The following PTPRZ1 variants were observed in gnomAD, a reference collection of about 807,000 sequenced individuals.
The protein encoded by PTPRZ1 is receptor-type tyrosine-protein phosphatase zeta.
A neutral mutation model predicts 214.1 loss-of-function variants in PTPRZ1; 82 were observed. That is an observed-to-expected ratio of 0.38 (90% CI 0.32 to 0.46). The LOEUF is 0.46. Among genes scored for constraint, PTPRZ1 ranks in the 20% least tolerant of loss-of-function variants. PTPRZ1 has a pLI of 1.00. For synonymous variants in PTPRZ1, 945 were observed against 987.9 expected, an observed-to-expected ratio of 0.96 and a Z score of 0.81; for missense variants, 2,603 against 2,748.7, an observed-to-expected ratio of 0.95 and a Z score of 1.19.
chr7:121,968,259 C>A, intron 3 of PTPRZ1, 129 bp downstream of exon 3: 7 of 677,750 alleles, frequency 1.0e-5, no homozygotes, highest in Non-Finnish European at 1.6e-5. Flanking sequence ...TAGAAGAAAC[C>A]AAATGGAGCA....
At chr7:121,918,754 C>G (rs1435894793) in intron 1 of PTPRZ1, among the ~76,000 whole-genome samples, 1 of 151,706 alleles carries the variant, frequency 6.6e-6, no homozygotes, top group African/African-American at 2.4e-5. Flanking sequence ...ATAAAAATCA[C>G]TCCCAATGGC....
chr7:121,897,250 T>G (rs990353523), intron 1 of PTPRZ1, among the ~76,000 whole-genome samples: 1 of 152,204 alleles, frequency 6.6e-6, no homozygotes, highest in African/African-American at 2.4e-5. Flanking sequence ...TTTCAAAGCC[T>G]CTGCTTTTAA....
intron 29 of PTPRZ1, 113 bp downstream of exon 29, chr7:122,060,001 ATGTAGTTTTCAAGC>A: frequency 1.9e-6 from 2 of 1,063,948 alleles, no homozygotes; most frequent in Non-Finnish European, 2.6e-6. Context: ...TAACATTAGT[ATGTAGTTTTCAAGC>A]TGAATTACAA....
chr7:121,882,634 G>T (rs908170149), intron 1 of PTPRZ1, among the ~76,000 whole-genome samples: 2 of 152,068 alleles, frequency 1.3e-5, no homozygotes, highest in Non-Finnish European at 2.9e-5. Flanking sequence ...ATTACTAAAG[G>T]GTTTTGAGCA....
At chr7:122,059,659 GC>G in intron 28 of PTPRZ1, 93 bp from the exon 29 acceptor site, 1 of 1,375,620 alleles carries the variant, frequency 7.3e-7, no homozygotes, top group Non-Finnish European at 9.7e-7. Flanking sequence ...TGTTTTCACT[GC>G]AAAGTTGTCA....
At chr7:122,014,807 T>TA (rs927465953) in intron 12 of PTPRZ1, among the ~76,000 whole-genome samples, 2 of 152,112 alleles carry the variant, frequency 1.3e-5, no homozygotes, top group South Asian at 2.1e-4. Context: ...ATAATGAAGT[T>TA]AAAAAAAATT....
intron 1 of PTPRZ1, among the ~76,000 whole-genome samples, chr7:121,916,689 C>T (rs1303196407): frequency 2.6e-4 from 39 of 152,196 alleles, no homozygotes; most frequent in Admixed American, 2.6e-3. Context: ...CTTTGAGCAT[C>T]TGCCACTGCA....
At chr7:121,931,337 G>A (rs1359762784) in intron 2 of PTPRZ1, among the ~76,000 whole-genome samples, 2 of 152,080 alleles carry the variant, frequency 1.3e-5, no homozygotes, top group Non-Finnish European at 2.9e-5. Context: ...TTTCAGAAGT[G>A]AAACTAGAAG....
intron 1 of PTPRZ1, among the ~76,000 whole-genome samples, chr7:121,920,473 C>T (rs1337488923): frequency 6.6e-6 from 1 of 151,844 alleles, no homozygotes; most frequent in Non-Finnish European, 1.5e-5. Flanking sequence ...TTAGCTCGTT[C>T]CTTTAATTGT....
rs556612912 is a variant in PTPRZ1, at chr7:121,999,776, T to C, written c.1240+1770T>C. On this transcript the variant is annotated intron_variant, in intron 10 of 29. Transcript: ENST00000393386. ...ATATGAAAGAAACAGATTAAATATG[T>C]ATTTTCTCCATAAGTGATTTCTGAG... Among the ~76,000 whole-genome samples, 28 of 152,308 alleles carry C rather than the reference T, an allele frequency of 1.8e-4. 1 individual carries two copies. In the South Asian group the frequency reaches 5.8e-3, roughly 32 times the overall value.
intron 12 of PTPRZ1, among the ~76,000 whole-genome samples, chr7:122,018,286 C>T (rs548565601): frequency 5.9e-5 from 9 of 152,292 alleles, no homozygotes; most frequent in African/African-American, 1.2e-4. Flanking sequence ...TGGCCACAAA[C>T]ACTCACTGTT....
chr7:121,914,737 C>T (rs6946211), intron 1 of PTPRZ1, among the ~76,000 whole-genome samples: 25,607 of 151,864 alleles, frequency 0.17, 2,325 homozygotes, highest in East Asian at 0.31. Context: ...TGTTGAGGAC[C>T]GTGAAATAAT....
intron 1 of PTPRZ1, among the ~76,000 whole-genome samples, chr7:121,894,037 A>G (rs1455688576): frequency 6.6e-6 from 1 of 152,208 alleles, no homozygotes; most frequent in Non-Finnish European, 1.5e-5. Context: ...TCTATGTCTG[A>G]ATTCCAAGTC....
chr7:122,029,024 T>TG (rs1262218486), intron 14 of PTPRZ1, among the ~76,000 whole-genome samples: 1 of 151,414 alleles, frequency 6.6e-6, no homozygotes. Flanking sequence ...AAAATGTGGA[T>TG]GGGAAAAAAA....
intron 13 of PTPRZ1, among the ~76,000 whole-genome samples, chr7:122,024,262 A>C (rs1799139187): frequency 1.3e-5 from 2 of 152,078 alleles, no homozygotes; most frequent in African/African-American, 2.4e-5. Context: ...TTTTAAGGCA[A>C]ATTTTTGAAA....
At chr7:121,987,398 G>GA (rs905157361) in intron 8 of PTPRZ1, among the ~76,000 whole-genome samples, 18 of 152,244 alleles carry the variant, frequency 1.2e-4, no homozygotes, top group African/African-American at 4.1e-4. Context: ...TTGGTAGAAT[G>GA]ATTTATTTTC....
chr7:121,914,143 G>T (rs1795352980), intron 1 of PTPRZ1, among the ~76,000 whole-genome samples: 2 of 152,078 alleles, frequency 1.3e-5, no homozygotes, highest in African/African-American at 4.8e-5. Flanking sequence ...GTGAAACCCT[G>T]TCTCTAAATA....
At chr7:121,948,385 G>T (rs1039895532) in intron 2 of PTPRZ1, among the ~76,000 whole-genome samples, 5 of 152,176 alleles carry the variant, frequency 3.3e-5, no homozygotes, top group Non-Finnish European at 7.3e-5. Context: ...GGAGGCTGAG[G>T]CAGCGGGATC....
intron 28 of PTPRZ1, 79 bp downstream of exon 28, chr7:122,059,021 C>A: frequency 7.3e-7 from 1 of 1,368,400 alleles, no homozygotes; most frequent in Non-Finnish European, 1.0e-6. Context: ...TCAGACAAAC[C>A]TAATGCTTTG....
Sources: allele counts gnomAD v4.1 joint callset (sites outside exome capture counted in the v4.1 genomes callset), GRCh38; gene constraint gnomAD v4.1.1; transcripts MANE v1.5; gene names NCBI Gene and HGNC (gene_info 2026-07-23, HGNC 2026-07-21).